RBPMS: variants seen among roughly 807,000 people sequenced by gnomAD.
RBPMS encodes RNA-binding protein with multiple splicing.
A neutral mutation model predicts 26.8 loss-of-function variants in RBPMS; 7 were observed. That is an observed-to-expected ratio of 0.26 (90% CI 0.15 to 0.49). RBPMS has a LOEUF of 0.49. Among genes scored for constraint, RBPMS ranks in the 20% least tolerant of loss-of-function variants. The probability of loss-of-function intolerance (pLI) is 0.98; values close to 1 mark genes in which losing one functional copy is unlikely to be tolerated. For missense variants in RBPMS, 186 were observed against 250.0 expected (o/e 0.74, Z 1.73); for synonymous variants, 96 against 93.3 (o/e 1.03, Z -0.17).
chr8:30,449,351 CT>C (rs1184251938), intron 1 of RBPMS, among the ~76,000 whole-genome samples: 2 of 147,526 alleles, frequency 1.4e-5, no homozygotes, highest in East Asian at 4.0e-4. Flanking sequence ...CGATTGGATC[CT>C]TTTCCTCACA....
At chr8:30,449,777 A>G (rs962213419) in intron 1 of RBPMS, among the ~76,000 whole-genome samples, 7 of 152,220 alleles carry the variant, frequency 4.6e-5, no homozygotes, top group Admixed American at 2.6e-4. Context: ...TGCTGCTCCT[A>G]TGAGGCTTGA....
intron 5 of RBPMS, among the ~76,000 whole-genome samples, chr8:30,529,767 T>G (rs559723767): frequency 6.8e-6 from 1 of 146,526 alleles, no homozygotes; most frequent in South Asian, 2.2e-4. Context: ...TTTTTTTTTT[T>G]GGTGAGATGG....
At chr8:30,458,486 C>T (rs993332905) in intron 1 of RBPMS, among the ~76,000 whole-genome samples, 1 of 152,038 alleles carries the variant, frequency 6.6e-6, no homozygotes. Context: ...GGTGTTGGAG[C>T]TGGGATTCAA....
chr8:30,536,432 ATC>A (rs1420433548), intron 5 of RBPMS, among the ~76,000 whole-genome samples: 1 of 152,134 alleles, frequency 6.6e-6, no homozygotes, highest in Non-Finnish European at 1.5e-5. Flanking sequence ...TGGCGAGATC[ATC>A]TCTTTTTATG....
At chr8:30,503,415 C>T (rs1820767576) in intron 4 of RBPMS, among the ~76,000 whole-genome samples, 1 of 151,362 alleles carries the variant, frequency 6.6e-6, no homozygotes, top group African/African-American at 2.4e-5. Context: ...CCACGCCCAG[C>T]TAATTTTTTT....
At chr8:30,466,420 C>G (rs1816498391) in intron 1 of RBPMS, among the ~76,000 whole-genome samples, 1 of 150,236 alleles carries the variant, frequency 6.7e-6, no homozygotes, top group South Asian at 2.1e-4. Context: ...GTGGCACACA[C>G]CTTTAGTCCT....
At chr8:30,487,777 A>G (rs1335852578) in intron 4 of RBPMS, among the ~76,000 whole-genome samples, 14 of 152,160 alleles carry the variant, frequency 9.2e-5, no homozygotes. Context: ...CTAAAAGATA[A>G]TAAAATCTGT....
intron 6 of RBPMS, among the ~76,000 whole-genome samples, chr8:30,557,948 T>C (rs1585881490): frequency 6.6e-6 from 1 of 152,176 alleles, no homozygotes; most frequent in East Asian, 1.9e-4. Context: ...TACAGCAACC[T>C]CCCCCCTCCT....
intron 1 of RBPMS, among the ~76,000 whole-genome samples, chr8:30,385,920 T>C (rs1807019425): frequency 6.6e-6 from 1 of 152,078 alleles, no homozygotes; most frequent in Admixed American, 6.6e-5. Context: ...CAAAATTGAG[T>C]AGATGTGGTC....
chr8:30,389,088 T>C (rs901379903), intron 1 of RBPMS, among the ~76,000 whole-genome samples: 8 of 152,250 alleles, frequency 5.3e-5, no homozygotes, highest in Non-Finnish European at 4.4e-5. Context: ...CATTGAGCAT[T>C]AAAGTCAATC....
At chr8:30,463,501 T>C (rs1816174082) in intron 1 of RBPMS, among the ~76,000 whole-genome samples, 1 of 152,216 alleles carries the variant, frequency 6.6e-6, no homozygotes, top group Admixed American at 6.5e-5. Context: ...CTGGCTTCAC[T>C]CAGAGTGAGT....
intron 5 of RBPMS, chr8:30,537,480 C>T: frequency 2.3e-6 from 1 of 441,810 alleles, no homozygotes; most frequent in Non-Finnish European, 4.6e-6. Flanking sequence ...TAAAGTCAGT[C>T]TGGCTGAGAA....
chr8:30,453,460 A>G (rs1296205804), intron 1 of RBPMS, among the ~76,000 whole-genome samples: 1 of 152,234 alleles, frequency 6.6e-6, no homozygotes, highest in Non-Finnish European at 1.5e-5. Flanking sequence ...TCTAAAAAAA[A>G]GAAACAAAAC....
intron 1 of RBPMS, among the ~76,000 whole-genome samples, chr8:30,473,225 T>C (rs576850610): frequency 1.3e-5 from 2 of 152,288 alleles, no homozygotes; most frequent in East Asian, 3.9e-4. Flanking sequence ...GTTTTCTTCT[T>C]CTCCTACTTC....
intron 6 of RBPMS, among the ~76,000 whole-genome samples, chr8:30,550,281 C>G (rs4236735): frequency 1 from 151,971 of 152,320 alleles, 75,818 homozygotes; most frequent in Middle Eastern, 1. Context: ...TCCCTGGCCA[C>G]ACAGGAGCTC....
chr8:30,418,824 C>G (rs1228962901), intron 1 of RBPMS, among the ~76,000 whole-genome samples: 1 of 152,082 alleles, frequency 6.6e-6, no homozygotes, highest in Non-Finnish European at 1.5e-5. Flanking sequence ...AGTGATCCAT[C>G]CGCCTCAGCC....
At position 30,473,872 on chromosome 8, in the gene RBPMS, G is replaced by T. The variant is rs375884001; in HGVS notation, c.67-907G>T. ...AACCAGACACCACATGTTCTCACAA[G>T]TGGGAGCTGAAGGATGAGGGCACAG... On this transcript the variant is annotated intron_variant, in intron 1 of 8. Transcript: ENST00000397323. Among the ~76,000 whole-genome samples the T allele has an allele frequency of 3.0e-4, 45 of 152,242 alleles. No homozygotes were observed. The South Asian group carries it at 9.3e-3, about 32-fold the overall frequency.
intron 1 of RBPMS, among the ~76,000 whole-genome samples, chr8:30,411,750 A>C (rs1398614527): frequency 1.3e-5 from 2 of 151,866 alleles, no homozygotes; most frequent in Non-Finnish European, 2.9e-5. Context: ...TTGGGACGCC[A>C]AGGCGGGTGG....
chr8:30,448,454 C>G (rs2150735997), intron 1 of RBPMS, among the ~76,000 whole-genome samples: 1 of 152,272 alleles, frequency 6.6e-6, no homozygotes, highest in Middle Eastern at 3.4e-3. Context: ...GTCTTAAAAC[C>G]AGGTCCTTTT....
Sources: allele counts gnomAD v4.1 joint callset (sites outside exome capture counted in the v4.1 genomes callset), GRCh38; gene constraint gnomAD v4.1.1; transcripts MANE v1.5; gene names NCBI Gene and HGNC (gene_info 2026-07-23, HGNC 2026-07-21).